Variants in TLE4 observed in about 807,000 individuals in gnomAD.
The protein encoded by TLE4 is TLE family member 4, transcriptional corepressor.
TLE4 carries 8 observed loss-of-function variants against 92.8 expected under a neutral mutation model. The observed-to-expected ratio is 0.09, with a 90% CI of 0.05 to 0.16. The LOEUF (loss-of-function observed/expected upper bound fraction) is 0.16. TLE4 is among the 10% of genes least tolerant of loss of function. The pLI is 1.00. For synonymous variants in TLE4, 371 were observed against 374.1 expected, an observed-to-expected ratio of 0.99 and a Z score of 0.10; for missense variants, 675 against 997.6, an observed-to-expected ratio of 0.68 and a Z score of 4.36.
At chr9:79,681,734 G>A (rs1384527824) in intron 8 of TLE4, among the ~76,000 whole-genome samples, 2 of 151,510 alleles carry the variant, frequency 1.3e-5, no homozygotes, top group African/African-American at 4.9e-5. Flanking sequence ...ACTACTTCCT[G>A]GAGGCAGGGA....
chr9:79,635,306 C>T (rs1379062692), intron 6 of TLE4, among the ~76,000 whole-genome samples: 1 of 150,884 alleles, frequency 6.6e-6, no homozygotes, highest in African/African-American at 2.4e-5. Context: ...TTTCATCAGT[C>T]AGTTTTATTA....
At chr9:79,683,560 A>G (rs1358357998) in intron 8 of TLE4, among the ~76,000 whole-genome samples, 1 of 152,220 alleles carries the variant, frequency 6.6e-6, no homozygotes, top group Admixed American at 6.5e-5. Context: ...TTTAGGAATC[A>G]TACTGTGAGC....
Position 79,706,885 on chromosome 9 carries a change from A to G in TLE4, c.922A>G (p.Lys308Glu). ...SSSSTPSSKS[K>E]ELSLNEKSTT... is the part of the protein sequence containing the mutation. ...CAGCAGTACTCCCTCCTCCAAATCC[A>G]AAGAACTTAGCCTTGTAAGCAGCTC... The change falls in exon 11 of 20, where the codon AAA becomes GAA. Residue 308 changes from lysine (K) to glutamate (E), a missense_variant. By Grantham distance (56) the Lys-to-Glu change is moderately conservative (BLOSUM62 1). Around this residue, in one of 5 missense-constraint regions of TLE4, gnomAD observed 280 missense variants for 287.3 expected, o/e 0.97. Transcript: ENST00000376552. 6.2e-7 allele frequency: 1 copy of G among 1,614,096 alleles called. No homozygotes were observed.
chr9:79,678,544 C>T (rs962758301), intron 8 of TLE4, among the ~76,000 whole-genome samples: 2 of 151,970 alleles, frequency 1.3e-5, no homozygotes, highest in African/African-American at 4.8e-5. Context: ...CAGTAATTCT[C>T]ATCAAAATCA....
At chr9:79,693,222 T>C (rs927022919) in intron 8 of TLE4, among the ~76,000 whole-genome samples, 1 of 152,164 alleles carries the variant, frequency 6.6e-6, no homozygotes, top group Admixed American at 6.5e-5. Context: ...GTCGTTGTTA[T>C]TCTTCAGATA....
chr9:79,688,698 C>A (rs915284709), intron 8 of TLE4, among the ~76,000 whole-genome samples: 1 of 151,422 alleles, frequency 6.6e-6, no homozygotes, highest in African/African-American at 2.4e-5. Context: ...GGGAAGAATG[C>A]CGTATAAAAC....
At chr9:79,594,697 G>A (rs1185638966) in intron 4 of TLE4, among the ~76,000 whole-genome samples, 1 of 152,012 alleles carries the variant, frequency 6.6e-6, no homozygotes, top group Non-Finnish European at 1.5e-5. Flanking sequence ...CAGATACTTA[G>A]GCTTTTGTAT....
chr9:79,586,812 TA>T (rs1240507344), intron 4 of TLE4, among the ~76,000 whole-genome samples: 1 of 152,224 alleles, frequency 6.6e-6, no homozygotes, highest in Non-Finnish European at 1.5e-5. Context: ...AAAATTTTTT[TA>T]TTTTTAATTT....
chr9:79,653,285 A>T (rs901860465), intron 7 of TLE4, among the ~76,000 whole-genome samples: 9 of 152,232 alleles, frequency 5.9e-5, no homozygotes, highest in Admixed American at 4.6e-4. Context: ...GAAGGTACAG[A>T]CCAAATTAAT....
chr9:79,680,049 G>C (rs1278530093), intron 8 of TLE4, among the ~76,000 whole-genome samples: 2 of 151,744 alleles, frequency 1.3e-5, no homozygotes, highest in Non-Finnish European at 2.9e-5. Context: ...GTCAGGTAGC[G>C]TGATGCCTCC....
Position 79,649,099 on chromosome 9 carries a change from C to T in TLE4, c.391-3494C>T, listed in dbSNP as rs552109013. The stretch of plus-strand genomic sequence containing the variant: ...AAGAAAACTGAGAAATGCTCAGTCA[C>T]GTGTGAGTGGTCCTCGGTTTTATAA... On this transcript the variant is annotated intron_variant, in intron 6 of 19. Coordinates refer to ENST00000376552, the MANE Select transcript of TLE4 (RefSeq NM_007005.6). Among the ~76,000 whole-genome samples, 18 of 152,220 alleles carry T rather than the reference C, an allele frequency of 1.2e-4. No homozygotes were observed. The South Asian group carries it at 3.7e-3, about 32-fold the overall frequency.
Position 79,610,997 on chromosome 9 carries a change from T to C in TLE4, c.253-1659T>C, listed in dbSNP as rs114027018. Among the ~76,000 whole-genome samples, 1,229 of 152,172 alleles carry C rather than the reference T, an allele frequency of 8.1e-3. 19 individuals are homozygous for C. Among genetic ancestry groups the C allele is most frequent in the African/African-American group, 0.027 (1,130 of 41,524 alleles). On this transcript the variant is annotated intron_variant, in intron 4 of 19. Transcript: ENST00000376552. Reference sequence around the variant, plus strand: ...GTTCTAAGCATTAGAATCATCAGTTTGGTCTGCCCCAAAGTGTCTCATTAT... The same window carrying C: ...GTTCTAAGCATTAGAATCATCAGTTCGGTCTGCCCCAAAGTGTCTCATTAT...
intron 4 of TLE4, among the ~76,000 whole-genome samples, chr9:79,596,984 G>T (rs1200987194): frequency 6.6e-6 from 1 of 152,118 alleles, no homozygotes; most frequent in Non-Finnish European, 1.5e-5. Context: ...TTCTTCCCAT[G>T]CCTTTCCATA....
At chr9:79,595,916 A>G (rs887720900) in intron 4 of TLE4, among the ~76,000 whole-genome samples, 2 of 147,010 alleles carry the variant, frequency 1.4e-5, no homozygotes, top group Non-Finnish European at 3.0e-5. Flanking sequence ...GCACGATCTC[A>G]GCTCACTGCA....
intron 8 of TLE4, among the ~76,000 whole-genome samples, chr9:79,686,641 G>A (rs2065918388): frequency 1.3e-5 from 2 of 152,178 alleles, no homozygotes; most frequent in Non-Finnish European, 2.9e-5. Flanking sequence ...ACCGAAGAAT[G>A]CCAAGGATTG....
intron 4 of TLE4, among the ~76,000 whole-genome samples, chr9:79,587,437 G>T (rs981466255): frequency 1.3e-5 from 2 of 152,144 alleles, no homozygotes; most frequent in African/African-American, 4.8e-5. Flanking sequence ...TTATTTCTAA[G>T]ATATCTTTCA....
intron 6 of TLE4, among the ~76,000 whole-genome samples, chr9:79,628,544 T>TG (rs1347204592): frequency 6.6e-6 from 1 of 151,544 alleles, no homozygotes; most frequent in Non-Finnish European, 1.5e-5. Context: ...TGTTTTTTAA[T>TG]GGGGTATTTG....
At chr9:79,620,734 C>A (rs555655419) in intron 5 of TLE4, among the ~76,000 whole-genome samples, 1 of 152,086 alleles carries the variant, frequency 6.6e-6, no homozygotes, top group Non-Finnish European at 1.5e-5. Flanking sequence ...TAAAGAAATA[C>A]CTGAGACTGG....
chr9:79,667,245 C>T (rs1051468510), intron 8 of TLE4, among the ~76,000 whole-genome samples: 4 of 152,044 alleles, frequency 2.6e-5, no homozygotes, highest in Admixed American at 1.3e-4. Context: ...GGTGTAGAGG[C>T]CACGGACAAA....
Sources: allele counts gnomAD v4.1 joint callset (sites outside exome capture counted in the v4.1 genomes callset), GRCh38; gene constraint gnomAD v4.1.1; regional missense constraint gnomAD v4.1.1; transcripts MANE v1.5; gene names NCBI Gene and HGNC (gene_info 2026-07-23, HGNC 2026-07-21).